FRYL: variants seen among roughly 807,000 people sequenced by gnomAD.
The protein encoded by FRYL is FRY like transcription coactivator.
FRYL carries 150 observed loss-of-function variants against 351.2 expected under a neutral mutation model. The observed-to-expected ratio is 0.43, with a 90% CI of 0.37 to 0.49. The LOEUF (loss-of-function observed/expected upper bound fraction) is 0.49. FRYL is among the 20% of genes least tolerant of loss of function. FRYL has a pLI of 0.00. For missense variants in FRYL, 3,036 were observed against 3,619.3 expected (o/e 0.84, Z 4.13); for synonymous variants, 1,153 against 1,257.1 (o/e 0.92, Z 1.75).
At chr4:48,715,038 T>C (rs948345666) in intron 1 of FRYL, among the ~76,000 whole-genome samples, 4 of 152,164 alleles carry the variant, frequency 2.6e-5, no homozygotes, top group African/African-American at 7.2e-5. Flanking sequence ...ATTATCTCAA[T>C]AGATGCAGAA....
At chr4:48,643,837 A>G (rs926982618) in intron 3 of FRYL, among the ~76,000 whole-genome samples, 3 of 152,184 alleles carry the variant, frequency 2.0e-5, no homozygotes, top group Admixed American at 6.5e-5. Flanking sequence ...ATAAAAGAAG[A>G]TATAAAAGAA....
In FRYL at chr4:48,498,478, A is replaced by C. The variant is rs1454625169; in HGVS notation, c.*944T>G. ...AAAATAAGTTAAAACTTTTCTAATG[A>C]GAATAGCTGACAGGCAGCATACATC... is the stretch of plus-strand genomic sequence containing the variant. On this transcript the variant is annotated 3_prime_UTR_variant, in exon 64 of 64. Transcript: ENST00000358350. The C allele has an allele frequency of 6.6e-6, 1 of 152,660 alleles. No homozygotes were observed. Among genetic ancestry groups the C allele is most frequent in the Admixed American group, 6.5e-5 (1 of 15,282 alleles). The allele number at this position is 152,660 out of a possible 1,614,324, so 9.5% of individuals were successfully genotyped here.
At chr4:48,739,141 CTG>C (rs1221633203) in intron 1 of FRYL, among the ~76,000 whole-genome samples, 1 of 152,290 alleles carries the variant, frequency 6.6e-6, no homozygotes. Flanking sequence ...TGGCTCATGA[CTG>C]TAATCCCAGC....
At chr4:48,589,994 G>A in intron 17 of FRYL, 117 bp from the exon 18 acceptor site, 4 of 825,330 alleles carry the variant, frequency 4.8e-6, no homozygotes, top group South Asian at 3.5e-5. Flanking sequence ...CACAAAAGGG[G>A]TTTCAACTGT....
intron 1 of FRYL, among the ~76,000 whole-genome samples, chr4:48,711,604 G>T (rs1258386660): frequency 1.3e-5 from 2 of 152,270 alleles, no homozygotes; most frequent in African/African-American, 4.8e-5. Context: ...AAGGAGGCCT[G>T]CCTGCCTCTG....
chr4:48,609,604 A>G (rs1442996694), intron 8 of FRYL, 140 bp downstream of exon 8: 11 of 489,712 alleles, frequency 2.2e-5, no homozygotes, highest in Non-Finnish European at 4.0e-5. Flanking sequence ...GCTGGGTGAA[A>G]GTGAGACCTT....
intron 1 of FRYL, among the ~76,000 whole-genome samples, chr4:48,749,633 A>G (rs545696820): frequency 5.3e-5 from 8 of 152,288 alleles, no homozygotes; most frequent in Admixed American, 2.0e-4. Context: ...CTCATTACTC[A>G]CACCTGGGAT....
chr4:48,739,759 T>A lies in FRYL; in HGVS notation c.-383-29061A>T, dbSNP rs540855532. ...CTCCAAAACTCATGTTGAAACTTAA[T>A]CCTCGATGTGGTAGTATTGAGACAC... On this transcript the variant is annotated intron_variant, in intron 1 of 63. Coordinates refer to ENST00000358350, the MANE Select transcript of FRYL (RefSeq NM_015030.2). Among the ~76,000 whole-genome samples the A allele has an allele frequency of 1.1e-4, 16 of 152,272 alleles. No homozygotes were observed. The South Asian group carries it at 3.3e-3, about 32-fold the overall frequency.
intron 59 of FRYL, chr4:48,506,639 T>C (rs1293053510): frequency 1.5e-4 from 10 of 67,568 alleles, no homozygotes; most frequent in African/African-American, 4.2e-4. Context: ...TATATATATA[T>C]ATATATATAT....
chr4:48,765,103 A>G (rs1193689958), intron 1 of FRYL, among the ~76,000 whole-genome samples: 1 of 152,162 alleles, frequency 6.6e-6, no homozygotes, highest in Non-Finnish European at 1.5e-5. Flanking sequence ...TCGGCCTCCC[A>G]AAGTGCCGGG....
intron 11 of FRYL, among the ~76,000 whole-genome samples, chr4:48,604,468 A>T (rs1746337601): frequency 6.6e-6 from 1 of 152,222 alleles, no homozygotes. Flanking sequence ...AATCCACATG[A>T]CTGGTGTCCT....
intron 53 of FRYL, 78 bp downstream of exon 53, chr4:48,527,399 G>T: frequency 1.6e-6 from 2 of 1,224,308 alleles, no homozygotes; most frequent in Non-Finnish European, 1.1e-6. Context: ...ACCTCAATAA[G>T]GAATGATCCT....
chr4:48,767,552 A>G (rs1398220838), intron 1 of FRYL, among the ~76,000 whole-genome samples: 1 of 152,234 alleles, frequency 6.6e-6, no homozygotes, highest in Non-Finnish European at 1.5e-5. Flanking sequence ...AGTGAAATAA[A>G]TCAAACACAG....
At chr4:48,572,187 A>G (rs999463684) in intron 26 of FRYL, among the ~76,000 whole-genome samples, 1 of 152,198 alleles carries the variant, frequency 6.6e-6, no homozygotes, top group Non-Finnish European at 1.5e-5. Flanking sequence ...AATGTTCTAC[A>G]GCAGACTCAT....
Position 48,500,156 on chromosome 4 carries a change from G to A in FRYL, c.8657C>T (p.Ser2886Phe). The A allele has an allele frequency of 6.2e-7, 1 of 1,606,780 alleles. No homozygotes were observed. Among genetic ancestry groups the A allele is most frequent in the African/African-American group, 1.3e-5 (1 of 74,530 alleles). ...GGAAATGTCAATTTCTTCGTTTTCG[G>A]AAGCGGACTCAGCTTCTTTGAGGAT... Reference protein sequence around the residue: ...ESILKEAESASENEEIDISKA... With the variant: ...ESILKEAESAFENEEIDISKA... Residue 2886 changes from serine to phenylalanine, a missense_variant, in exon 63 of 64, where the codon TCC becomes TTC. By Grantham distance (155) the Ser-to-Phe change is radical. Transcript: ENST00000358350.
At chr4:48,512,289 C>T (rs1451514202) in intron 57 of FRYL, among the ~76,000 whole-genome samples, 192 bp downstream of exon 57, 1 of 152,062 alleles carries the variant, frequency 6.6e-6, no homozygotes, top group Admixed American at 6.6e-5. Flanking sequence ...GAAATCTCTA[C>T]CAGTCATTGT....
At chr4:48,646,981 G>A (rs928795862) in intron 3 of FRYL, among the ~76,000 whole-genome samples, 9 of 152,058 alleles carry the variant, frequency 5.9e-5, no homozygotes, top group Non-Finnish European at 1.2e-4. Flanking sequence ...TAGGGAGGTG[G>A]GTTTAATCAA....
intron 54 of FRYL, among the ~76,000 whole-genome samples, chr4:48,521,738 C>T (rs1409545777): frequency 1.3e-5 from 2 of 152,166 alleles, no homozygotes; most frequent in African/African-American, 4.8e-5. Flanking sequence ...CGTAGACAGT[C>T]AGTAAGTGGT....
At chr4:48,717,788 TC>T (rs1769032194) in intron 1 of FRYL, among the ~76,000 whole-genome samples, 1 of 151,268 alleles carries the variant, frequency 6.6e-6, no homozygotes, top group Admixed American at 6.7e-5. Flanking sequence ...GTGTTCCTCC[TC>T]CCTCACATTC....
Sources: gnomAD v4.1 joint callset for allele counts (sites outside exome capture counted in the v4.1 genomes callset) on GRCh38, gnomAD v4.1.1 for gene constraint, MANE v1.5 for transcripts, NCBI Gene and HGNC (gene_info 2026-07-23, HGNC 2026-07-21) for gene names.